HHATL: variants seen among roughly 807,000 people sequenced by gnomAD.
HHATL encodes the protein protein-cysteine N-palmitoyltransferase HHAT-like protein.
HHATL carries 49 observed loss-of-function variants against 59.7 expected under a neutral mutation model. The observed-to-expected ratio is 0.82, with a 90% CI of 0.65 to 1.04. The LOEUF (loss-of-function observed/expected upper bound fraction) is 1.04, where lower values mean the gene tolerates loss of function less well. HHATL is among the 50% of genes least tolerant of loss of function. The pLI, the probability that HHATL is intolerant of heterozygous loss-of-function variation, is 0.00. For missense variants in HHATL, 605 were observed against 650.8 expected, an observed-to-expected ratio of 0.93 and a Z score of 0.77; for synonymous variants, 238 against 257.3, an observed-to-expected ratio of 0.93 and a Z score of 0.72.
At chr3:42,695,506 G>A (rs1418578669) in intron 9 of HHATL, among the ~76,000 whole-genome samples, 2 of 152,158 alleles carry the variant, frequency 1.3e-5, no homozygotes, top group Non-Finnish European at 1.5e-5. Context: ...GGTACTCAGT[G>A]CCAAGATTTC....
At chr3:42,697,740 G>T in intron 6 of HHATL, 61 bp from the exon 7 acceptor site, 1 of 1,542,696 alleles carries the variant, frequency 6.5e-7, no homozygotes, top group Non-Finnish European at 8.8e-7. Context: ...CCCTGTCTGA[G>T]GGGGGCTCAC....
At chr3:42,696,183 C>T (rs1317097832) in intron 9 of HHATL, among the ~76,000 whole-genome samples, 2 of 152,166 alleles carry the variant, frequency 1.3e-5, no homozygotes, top group East Asian at 3.9e-4. Context: ...CTTCCCTTGG[C>T]TTCCAGGGTG....
chr3:42,699,719 G>A, intron 3 of HHATL, 39 bp downstream of exon 3: 1 of 1,528,708 alleles, frequency 6.5e-7, no homozygotes, highest in Non-Finnish European at 8.9e-7. Context: ...GCAGAGAAGG[G>A]TTCGGGATGG....
intron 9 of HHATL, among the ~76,000 whole-genome samples, chr3:42,695,109 C>T (rs966476656): frequency 9.9e-5 from 15 of 152,142 alleles, no homozygotes; most frequent in Non-Finnish European, 5.9e-5. Context: ...CTCCTCATTT[C>T]CAATGGCTTT....
In HHATL at chr3:42,693,473, T is replaced by C. The variant is rs143931171; in HGVS notation, c.1248+144A>G. ...GAGGGAGGGGCAGATTCCTACAGAG[T>C]GAGCCATTGCTCTGACAACTAAGAG... On this transcript the variant is annotated intron_variant, in intron 10 of 11. Coordinates refer to ENST00000441594, the MANE Select transcript of HHATL (RefSeq NM_020707.4). The C allele has an allele frequency of 3.7e-4, 294 of 803,108 alleles. 1 individual carries two copies. Among genetic ancestry groups the C allele is most frequent in the East Asian group, 3.5e-3 (132 of 37,370 alleles). The allele number at this position is 803,108 out of a possible 1,614,324, so 49.7% of individuals were successfully genotyped here.
chr3:42,696,191 GT>G (rs1227806552), intron 9 of HHATL, among the ~76,000 whole-genome samples: 1 of 152,088 alleles, frequency 6.6e-6, no homozygotes. Flanking sequence ...GGCTTCCAGG[GT>G]GGCACATGAC....
Position 42,698,752 on chromosome 3 carries a change from C to A in HHATL, c.439G>T (p.Ala147Ser). The A allele has an allele frequency of 1.3e-6, 2 of 1,599,372 alleles. No homozygotes were observed. Among genetic ancestry groups the A allele is most frequent in the East Asian group, 2.2e-5 (1 of 44,834 alleles). ...QPWLCLGLGLASLASFKMDPL... is the reference protein window; with the variant it reads ...QPWLCLGLGLSSLASFKMDPL... Reference sequence around the variant, plus strand: ...TCCATCTTGAAGGAGGCCAGGCTGGCCAAGCCAAGGCCAAGACAGAGCCAG... The same window carrying A: ...TCCATCTTGAAGGAGGCCAGGCTGGACAAGCCAAGGCCAAGACAGAGCCAG... Residue 147 changes from alanine to serine, a missense_variant, in exon 5 of 12, where the codon GCC becomes TCC. Ala to Ser is a moderately conservative substitution (Grantham distance 99). Coordinates refer to ENST00000441594, the MANE Select transcript of HHATL (RefSeq NM_020707.4).
rs1028254345 is a variant in HHATL, at chr3:42,697,288, G to A, written c.866-143C>T. ...CCCCCATATTGTGGAAATCAGTCAT[G>A]CCTGGTGAAGTGGGTGGGGTCCGTG... is the stretch of plus-strand genomic sequence containing the variant. On this transcript the variant is annotated intron_variant, in intron 7 of 11. Transcript: ENST00000441594. 21 of 1,180,626 alleles carry A rather than the reference G, an allele frequency of 1.8e-5. No individual in the cohort carries two copies. In the African/African-American group the frequency reaches 2.9e-4, roughly 17 times the overall value. 73.1% of individuals were successfully genotyped at this position (1,180,626 alleles called of 1,614,324 possible). A position where few individuals can be genotyped will look rare whatever the true frequency, so the allele number is the denominator to read the frequency against.
intron 2 of HHATL, among the ~76,000 whole-genome samples, chr3:42,700,198 G>A (rs1016828744): frequency 1.8e-4 from 27 of 149,254 alleles, no homozygotes; most frequent in Non-Finnish European, 8.9e-5. Flanking sequence ...GTGTTGGGGT[G>A]TGTGTGTATA....
chr3:42,696,930 G>C (rs1228073395), intron 8 of HHATL, 53 bp from the exon 9 acceptor site: 3 of 1,613,840 alleles, frequency 1.9e-6, no homozygotes, highest in Admixed American at 1.7e-5. Flanking sequence ...AGCTCCCCAG[G>C]CATGGGGGAA....
chr3:42,697,634 T>C lies in HHATL; in HGVS notation c.739A>G (p.Ile247Val). 2 of 1,614,122 alleles carry C rather than the reference T, an allele frequency of 1.2e-6. No individual in the cohort carries two copies. The highest frequency in any genetic ancestry group is 1.7e-6 in the Non-Finnish European group (2 of 1,179,962). Residue 247 changes from isoleucine (I) to valine (V), a missense_variant, in exon 7 of 12, where the codon ATC becomes GTC. Physicochemically the swap from Ile to Val is conservative, Grantham distance 29. Coordinates refer to ENST00000441594, the MANE Select transcript of HHATL (RefSeq NM_020707.4). Reference protein sequence around the residue: ...PVRREGELWHIRAQAGLSVVA... With the variant: ...PVRREGELWHVRAQAGLSVVA... ...ACGCTTAGGCCTGCCTGGGCTCGGA[T>C]GTGCCACAGCTCACCCTCGCGTCTC...
chr3:42,697,309 C>T (rs1697671358), intron 7 of HHATL, among the ~76,000 whole-genome samples, 164 bp from the exon 8 acceptor site: 2 of 152,302 alleles, frequency 1.3e-5, no homozygotes, highest in East Asian at 3.9e-4. Flanking sequence ...TGGGTGGGGT[C>T]CGTGGGATGC....
At chr3:42,698,390 G>T in intron 5 of HHATL, 39 bp from the exon 6 acceptor site, 2 of 1,579,122 alleles carry the variant, frequency 1.3e-6, no homozygotes, top group Non-Finnish European at 1.7e-6. Context: ...TCACTAGGGT[G>T]CCTCCTGTCT....
rs914417128 is a variant in HHATL at position 42,701,711 on chromosome 3, C to G, written c.-14+868G>C. On this transcript the variant is annotated intron_variant, in intron 1 of 11. Coordinates refer to ENST00000441594, the MANE Select transcript of HHATL (RefSeq NM_020707.4). This position sits in a 1 kb window ranked among gnomAD's most constrained non-coding sequence, Gnocchi z 5.1. ...CTTGTCCCCTGGAGAACTGCTGGGC[C>G]GTACTACGGCTCAGCTAGCACCTTT... Among the ~76,000 whole-genome samples the G allele has an allele frequency of 6.6e-6, 1 of 152,208 alleles. No homozygotes were observed. Among genetic ancestry groups the G allele is most frequent in the Non-Finnish European group, 1.5e-5 (1 of 68,038 alleles).
At position 42,693,089 on chromosome 3, in the gene HHATL, G is replaced by A. The variant is rs761502352; in HGVS notation, c.1378C>T (p.Leu460=). ...LKFTELVARR[L]LLTGFPQTTL... is the part of the protein sequence containing the mutation. ...CCCTGTCCCTCACCTGTGAGTAGCA[G>A]GCGCCGGGCAACCAGCTCTGTGAAT... The change falls in exon 11 of 12, where the codon CTG becomes TTG. Residue 460 remains leucine, a synonymous_variant. Coordinates refer to ENST00000441594, the MANE Select transcript of HHATL (RefSeq NM_020707.4). 68 of 1,614,066 alleles carry A rather than the reference G, an allele frequency of 4.2e-5. 2 individuals are homozygous for A. In the South Asian group the frequency reaches 7.0e-4, roughly 17 times the overall value.
chr3:42,700,991 G>GC, intron 1 of HHATL, 152 bp from the exon 2 acceptor site: 4 of 603,490 alleles, frequency 6.6e-6, no homozygotes, highest in Admixed American at 5.7e-5. Flanking sequence ...CTGCCCCTGT[G>GC]CCCCCCACAG....
chr3:42,693,468 CAG>C (rs1264698227), intron 10 of HHATL, 147 bp downstream of exon 10: 5 of 795,884 alleles, frequency 6.3e-6, no homozygotes, highest in Non-Finnish European at 8.0e-6. Context: ...CAGATTCCTA[CAG>C]AGTGAGCCAT....
chr3:42,699,093 A>T lies in HHATL; in HGVS notation c.227T>A (p.Ile76Asn). ...CACATGTCCGGAGAGGGCAAAGATG[A>T]TGACGTTGCGAAAGGAGGTGAACCA... The part of the protein sequence containing the change: ...VMWFTSFRNV[I>N]IFALSGHVLF... Residue 76 changes from isoleucine (I) to asparagine (N), a missense_variant, in exon 4 of 12, where the codon ATC becomes AAC. Transcript: ENST00000441594. 6.2e-7 allele frequency: 1 copy of T among 1,614,104 alleles called. No homozygotes were observed. The highest frequency in any genetic ancestry group is 2.2e-5 in the East Asian group (1 of 44,862).
chr3:42,693,567 C>CA, intron 10 of HHATL, 50 bp downstream of exon 10: 1 of 1,518,074 alleles, frequency 6.6e-7, no homozygotes, highest in African/African-American at 1.4e-5. Flanking sequence ...GCAGTGCCCC[C>CA]CCGCCCTCTA....
Sources: gnomAD v4.1 joint callset for allele counts (sites outside exome capture counted in the v4.1 genomes callset) on GRCh38, gnomAD v4.1.1 for gene constraint, Gnocchi (gnomAD v3.1) non-coding constraint, MANE v1.5 for transcripts, NCBI Gene and HGNC (gene_info 2026-07-23, HGNC 2026-07-21) for gene names.